The following PPIP5K1 variants were observed in gnomAD, a reference collection of about 807,000 sequenced individuals.
The protein encoded by PPIP5K1 is diphosphoinositol pentakisphosphate kinase 1, also known as inositol hexakisphosphate and diphosphoinositol-pentakisphosphate kinase 1.
Under a neutral mutation model 27.7 loss-of-function variants are expected in PPIP5K1, and 6 were observed. The observed-to-expected ratio is 0.22, with a 90% CI of 0.12 to 0.43. The LOEUF (loss-of-function observed/expected upper bound fraction) is 0.43, where lower values mean the gene tolerates loss of function less well. Ranked by LOEUF, PPIP5K1 falls within the 20% of genes least tolerant of loss-of-function variation. The pLI is 1.00. For synonymous variants in PPIP5K1, 145 were observed against 242.6 expected (o/e 0.60, Z 3.74); for missense variants, 394 against 635.4 (o/e 0.62, Z 4.08).
chr15:43,549,828 G>A (rs532751838), intron 30 of PPIP5K1, among the ~76,000 whole-genome samples: 13 of 152,122 alleles, frequency 8.5e-5, no homozygotes, highest in Non-Finnish European at 1.9e-4. Context: ...AAAATTAGCT[G>A]GATGTGGTGG....
rs1186225220 is a variant in PPIP5K1 at position 43,534,619 on chromosome 15, G to A, written c.*55C>T. 2.2e-5 allele frequency: 32 copies of A among 1,455,102 alleles called. No individual in the cohort carries two copies. The highest frequency in any genetic ancestry group is 2.8e-5 in the Non-Finnish European group (30 of 1,086,884). The allele number at this position is 1,455,102 out of a possible 1,614,324, so 90.1% of individuals were successfully genotyped here. A position where few individuals can be genotyped will look rare whatever the true frequency, so the allele number is the denominator to read the frequency against. On this transcript the variant is annotated 3_prime_UTR_variant, in exon 32 of 32. Coordinates refer to ENST00000420765, the MANE Select transcript of PPIP5K1 (RefSeq NM_001394395.1). ...GGATCACCAGATGGATGCTGGGCTT[G>A]AGGAATACCCTCTCCAGGCAGCTGA...
At position 43,559,050 on chromosome 15, in the gene PPIP5K1, T is replaced by G. The variant is rs779755919; in HGVS notation, c.3419-118A>C. 1.2e-4 allele frequency: 148 copies of G among 1,259,518 alleles called. 1 individual carries two copies. The highest frequency in any genetic ancestry group is 2.3e-4 in the East Asian group (10 of 42,870). 78.0% of individuals were successfully genotyped at this position (1,259,518 alleles called of 1,614,324 possible). On this transcript the variant is annotated intron_variant, in intron 29 of 31. Coordinates refer to ENST00000420765, the MANE Select transcript of PPIP5K1 (RefSeq NM_001394395.1). ...GGAGAGTCCGTGGCTTTTGGAGTGT[T>G]GGGTATCCAAGACTCTTAGGAGAGG...
At chr15:43,540,668 G>A (rs1308280223) in intron 30 of PPIP5K1, among the ~76,000 whole-genome samples, 1 of 150,820 alleles carries the variant, frequency 6.6e-6, no homozygotes, top group Non-Finnish European at 1.5e-5. Flanking sequence ...TTGCACTCCA[G>A]CCTGGGCGAC....
Position 43,534,503 on chromosome 15 carries a change from A to C in PPIP5K1, c.*171T>G. The C allele has an allele frequency of 1.7e-6, 1 of 602,806 alleles. No homozygotes were observed. 37.3% of individuals were successfully genotyped at this position (602,806 alleles called of 1,614,324 possible). The stretch of plus-strand genomic sequence containing the variant: ...GGTTGCTGGCTCAAATGGCTGGTAT[A>C]GTGTGATACCACTAATGAGAAAATT... On this transcript the variant is annotated 3_prime_UTR_variant, in exon 32 of 32. Transcript: ENST00000420765.
At chr15:43,559,137 C>A (rs1256819447) in intron 29 of PPIP5K1, among the ~76,000 whole-genome samples, 4 of 152,150 alleles carry the variant, frequency 2.6e-5, no homozygotes, top group African/African-American at 9.7e-5. Context: ...AAAACATCTA[C>A]CTGCTAAGGC....
At chr15:43,547,156 G>A (rs545868344) in intron 30 of PPIP5K1, among the ~76,000 whole-genome samples, 2 of 152,294 alleles carry the variant, frequency 1.3e-5, no homozygotes, top group South Asian at 4.1e-4. Flanking sequence ...ACTAATGAGA[G>A]TTAGCATCTT....
intron 30 of PPIP5K1, among the ~76,000 whole-genome samples, chr15:43,551,399 T>A (rs1011564946): frequency 2.0e-5 from 3 of 150,800 alleles, no homozygotes; most frequent in Non-Finnish European, 4.4e-5. Flanking sequence ...GTGCCTGTAA[T>A]CCCAGCTACT....
At chr15:43,559,849 A>G (rs1170385066) in intron 29 of PPIP5K1, among the ~76,000 whole-genome samples, 1 of 148,674 alleles carries the variant, frequency 6.7e-6, no homozygotes, top group Non-Finnish European at 1.5e-5. Context: ...TGCCTCTTCA[A>G]CATCTCCTTA....
intron 30 of PPIP5K1, among the ~76,000 whole-genome samples, chr15:43,543,793 C>CATATAT (rs150350072): frequency 1.0e-4 from 15 of 147,632 alleles, no homozygotes; most frequent in African/African-American, 2.0e-4. Flanking sequence ...CTCTGTAATG[C>CATATAT]ATATATATAT....
At chr15:43,544,570 G>C (rs980097895) in intron 30 of PPIP5K1, among the ~76,000 whole-genome samples, 3 of 152,082 alleles carry the variant, frequency 2.0e-5, no homozygotes, top group African/African-American at 4.8e-5. Context: ...TTAAGCAGGA[G>C]AGTCATTGAG....
At chr15:43,557,717 C>T (rs533676504) in intron 30 of PPIP5K1, among the ~76,000 whole-genome samples, 80 of 150,688 alleles carry the variant, frequency 5.3e-4, no homozygotes, top group African/African-American at 1.7e-3. Flanking sequence ...CAGGCTGGAG[C>T]GCAGTGGCGT....
Position 43,539,475 on chromosome 15 carries a change from G to A in PPIP5K1, c.3665C>T (p.Pro1222Leu), listed in dbSNP as rs767810730. The change falls in exon 31 of 32, where the codon CCT becomes CTT. Residue 1222 changes from proline (P) to leucine (L), a missense_variant. By Grantham distance (98) the Pro-to-Leu change is moderately conservative. This residue lies in a region of PPIP5K1 where 379 missense variants were observed against 423.9 expected (regional missense o/e 0.89). Transcript: ENST00000420765. ...GTTCCAAAAGGATTACTTACACCAA[G>A]GGGGCTTCTCAGAGCGCTGCTGGAG... ...LQLQQRSEKP[P>L]WYSSGPSSTV... 1.3e-6 allele frequency: 2 copies of A among 1,578,004 alleles called. No individual in the cohort carries two copies. Among genetic ancestry groups the A allele is most frequent in the South Asian group, 2.3e-5 (2 of 87,992 alleles).
chr15:43,559,053 G>T lies in PPIP5K1; in HGVS notation c.3419-121C>A, dbSNP rs2083432373. On this transcript the variant is annotated intron_variant, in intron 29 of 31. Transcript: ENST00000420765. ...GAGTCCGTGGCTTTTGGAGTGTTGGGTATCCAAGACTCTTAGGAGAGGGAA... is the reference window on the plus strand; with the variant it reads ...GAGTCCGTGGCTTTTGGAGTGTTGGTTATCCAAGACTCTTAGGAGAGGGAA... 1.1e-5 allele frequency: 13 copies of T among 1,192,032 alleles called. No individual in the cohort carries two copies. In the South Asian group the frequency reaches 1.8e-4, roughly 16 times the overall value. The allele number at this position is 1,192,032 out of a possible 1,614,324, so 73.8% of individuals were successfully genotyped here.
At chr15:43,553,806 G>A (rs1055468811) in intron 30 of PPIP5K1, among the ~76,000 whole-genome samples, 8 of 151,852 alleles carry the variant, frequency 5.3e-5, no homozygotes, top group African/African-American at 1.9e-4. Flanking sequence ...CACCACGCCC[G>A]GCTAATTTTT....
At position 43,579,631 on chromosome 15, in the gene PPIP5K1, G is replaced by GTATA. The variant is rs1377430959; in HGVS notation, c.1062-515_1062-512dup. 3.7e-3 allele frequency among the ~76,000 whole-genome samples: 133 copies of GTATA among 35,696 alleles called. 4 individuals are homozygous for GTATA. Among genetic ancestry groups the GTATA allele is most frequent in the Non-Finnish European group, 4.2e-3 (108 of 25,884 alleles). The allele number at this position is 35,696 out of a possible 152,430, so 23.4% of individuals were successfully genotyped here. A position where few individuals can be genotyped will look rare whatever the true frequency, so the allele number is the denominator to read the frequency against. On this transcript the variant is annotated intron_variant, in intron 10 of 31. Transcript: ENST00000420765. The stretch of plus-strand genomic sequence containing the variant: ...TGTGTGTGTGTGTGTGTGTGTGTGT[G>GTATA]TATATATATATATATATATATATTT...
chr15:43,546,851 G>C (rs555217908), intron 30 of PPIP5K1, among the ~76,000 whole-genome samples: 1 of 151,520 alleles, frequency 6.6e-6, no homozygotes, highest in African/African-American at 2.4e-5. Flanking sequence ...TGGAGACAAG[G>C]TTTCACCATG....
intron 30 of PPIP5K1, among the ~76,000 whole-genome samples, chr15:43,539,962 A>G (rs759221274): frequency 2.0e-5 from 3 of 152,344 alleles, no homozygotes; most frequent in Non-Finnish European, 4.4e-5. Flanking sequence ...TCTCTAAAAT[A>G]TAAGAAATGG....
intron 30 of PPIP5K1, among the ~76,000 whole-genome samples, chr15:43,550,638 C>T (rs1031488492): frequency 6.6e-6 from 1 of 151,924 alleles, no homozygotes; most frequent in Non-Finnish European, 1.5e-5. Context: ...ACTCCTGGTA[C>T]GAATGTTGAA....
At position 43,544,877 on chromosome 15, in the gene PPIP5K1, T is replaced by C. The variant is rs551132563; in HGVS notation, c.3557-5294A>G. Among the ~76,000 whole-genome samples the C allele has an allele frequency of 2.6e-5, 4 of 152,136 alleles. No individual in the cohort carries two copies. The South Asian group carries it at 8.3e-4, about 32-fold the overall frequency. On this transcript the variant is annotated intron_variant, in intron 30 of 31. Coordinates refer to ENST00000420765, the MANE Select transcript of PPIP5K1 (RefSeq NM_001394395.1). ...GCATAGAAATGGCTTCAGAATAGAT[T>C]CTTAAAAGTGGATTATTGGGGCCGG...
Sources: gnomAD v4.1 joint callset for allele counts (sites outside exome capture counted in the v4.1 genomes callset) on GRCh38, gnomAD v4.1.1 for gene constraint, gnomAD v4.1.1 regional missense constraint, MANE v1.5 for transcripts, NCBI Gene and HGNC (gene_info 2026-07-23, HGNC 2026-07-21) for gene names.